Variants in AGBL4 observed in about 807,000 individuals in gnomAD.
The protein encoded by AGBL4 is AGBL carboxypeptidase 4, also known as cytosolic carboxypeptidase 6.
AGBL4 carries 58 observed loss-of-function variants against 66.4 expected under a neutral mutation model. The observed-to-expected ratio is 0.87, with a 90% CI of 0.71 to 1.09. AGBL4 has a LOEUF of 1.09. Ranked by LOEUF, AGBL4 falls within the 50% of genes least tolerant of loss-of-function variation. AGBL4 has a pLI of 0.00. For missense variants in AGBL4, 579 were observed against 631.0 expected (o/e 0.92, Z 0.88); for synonymous variants, 234 against 222.9 (o/e 1.05, Z -0.44).
intron 3 of AGBL4, among the ~76,000 whole-genome samples, chr1:49,379,782 A>G (rs1644555374): frequency 6.6e-6 from 1 of 152,134 alleles, no homozygotes. Flanking sequence ...TCAGTTTGCC[A>G]GTATTTTATT....
At chr1:48,606,869 T>C (rs147381838) in intron 9 of AGBL4, among the ~76,000 whole-genome samples, 195 of 152,320 alleles carry the variant, frequency 1.3e-3, no homozygotes, top group African/African-American at 3.5e-3. Flanking sequence ...AAACTATATG[T>C]GCACTGCTGT....
At position 48,758,542 on chromosome 1, in the gene AGBL4, G is replaced by A. The variant is rs575506222; in HGVS notation, c.635-95301C>T. Reference sequence around the variant, plus strand: ...AACTAATACATGTTGTTAGGATCATGTCTACTTCTTTTTACTATCCTGAAA... The same window carrying A: ...AACTAATACATGTTGTTAGGATCATATCTACTTCTTTTTACTATCCTGAAA... On this transcript the variant is annotated intron_variant, in intron 6 of 13. Transcript: ENST00000371839. Among the ~76,000 whole-genome samples the A allele has an allele frequency of 2.2e-4, 34 of 152,352 alleles. 1 individual carries two copies. In the South Asian group the frequency reaches 6.4e-3, roughly 29 times the overall value.
chr1:48,796,181 A>G (rs138414263), intron 6 of AGBL4, among the ~76,000 whole-genome samples: 1 of 152,352 alleles, frequency 6.6e-6, no homozygotes, highest in East Asian at 1.9e-4. Flanking sequence ...CAAATTAAAC[A>G]TTAATTCTCA....
intron 3 of AGBL4, among the ~76,000 whole-genome samples, chr1:49,319,103 A>G (rs1270194924): frequency 6.6e-6 from 1 of 152,220 alleles, no homozygotes; most frequent in African/African-American, 2.4e-5. Context: ...TGTATGTACA[A>G]TGCTGAACAC....
intron 3 of AGBL4, among the ~76,000 whole-genome samples, chr1:49,569,950 T>C (rs2148868638): frequency 6.6e-6 from 1 of 152,300 alleles, no homozygotes; most frequent in East Asian, 1.9e-4. Flanking sequence ...TTCCACTGTG[T>C]ATATATACCA....
chr1:49,003,190 G>T (rs1027813096), intron 5 of AGBL4, among the ~76,000 whole-genome samples: 1 of 152,156 alleles, frequency 6.6e-6, no homozygotes, highest in African/African-American at 2.4e-5. Flanking sequence ...CTGACGTCAA[G>T]GGTTCACGAC....
At position 48,795,923 on chromosome 1, in the gene AGBL4, G is replaced by A. The variant is rs187232316; in HGVS notation, c.634+71268C>T. Among the ~76,000 whole-genome samples the A allele has an allele frequency of 3.1e-3, 478 of 152,294 alleles. 2 individuals are homozygous for A. Among genetic ancestry groups the A allele is most frequent in the African/African-American group, 0.01 (426 of 41,548 alleles). Reference sequence around the variant, plus strand: ...CCCGCCTCAGCCTCCCAAAGTGCTGGGATTACAGGCGTGAGCCACTGTGCC... The same window carrying A: ...CCCGCCTCAGCCTCCCAAAGTGCTGAGATTACAGGCGTGAGCCACTGTGCC... On this transcript the variant is annotated intron_variant, in intron 6 of 13. Transcript: ENST00000371839.
intron 6 of AGBL4, among the ~76,000 whole-genome samples, chr1:48,784,414 C>T (rs533235759): frequency 6.6e-6 from 1 of 152,258 alleles, no homozygotes; most frequent in African/African-American, 2.4e-5. Context: ...CAAATGCTGT[C>T]CCCTTCAATA....
At chr1:49,406,355 A>G (rs905397431) in intron 3 of AGBL4, among the ~76,000 whole-genome samples, 1 of 152,206 alleles carries the variant, frequency 6.6e-6, no homozygotes, top group African/African-American at 2.4e-5. Context: ...ATTTGGTATG[A>G]TATTTATTTC....
intron 3 of AGBL4, among the ~76,000 whole-genome samples, chr1:49,369,830 A>G (rs1486279565): frequency 6.6e-6 from 1 of 152,096 alleles, no homozygotes; most frequent in Non-Finnish European, 1.5e-5. Flanking sequence ...GAGAGTGCTT[A>G]TGATGAAATT....
intron 4 of AGBL4, among the ~76,000 whole-genome samples, chr1:49,198,290 C>G (rs72684820): frequency 0.02 from 3,018 of 152,190 alleles, 53 homozygotes; most frequent in Non-Finnish European, 0.033. Flanking sequence ...CAAATTCCTA[C>G]ATTATTTCTT....
chr1:48,879,521 A>C (rs999364052), intron 5 of AGBL4, among the ~76,000 whole-genome samples: 1 of 150,850 alleles, frequency 6.6e-6, no homozygotes, highest in Non-Finnish European at 1.5e-5. Context: ...AACTGCTTTT[A>C]TTTTCCCTTG....
chr1:48,876,072 T>G (rs1441096197), intron 5 of AGBL4, among the ~76,000 whole-genome samples: 3 of 152,180 alleles, frequency 2.0e-5, no homozygotes, highest in Non-Finnish European at 4.4e-5. Context: ...AACTCAAGTG[T>G]GATCTTTTGT....
chr1:49,965,335 C>A (rs2148351070), intron 1 of AGBL4, among the ~76,000 whole-genome samples: 1 of 152,248 alleles, frequency 6.6e-6, no homozygotes, highest in South Asian at 2.1e-4. Flanking sequence ...TTAAAAATGG[C>A]CACTCAAGCC....
At chr1:48,683,370 A>G (rs1261018349) in intron 6 of AGBL4, among the ~76,000 whole-genome samples, 1 of 152,204 alleles carries the variant, frequency 6.6e-6, no homozygotes, top group African/African-American at 2.4e-5. Context: ...ATCCTAACAT[A>G]GAAGACCTTG....
At position 48,558,375 on chromosome 1, in the gene AGBL4, G is replaced by A. The variant is rs367682205; in HGVS notation, c.1268-18637C>T. ...CTTGTTTTATTTTCCTGCTCTTAAT[G>A]TATTCCCCTCTCACACACATCATTT... On this transcript the variant is annotated intron_variant, in intron 11 of 13. Transcript: ENST00000371839. Among the ~76,000 whole-genome samples, 144 of 152,258 alleles carry A rather than the reference G, an allele frequency of 9.5e-4. 1 individual carries two copies. Among genetic ancestry groups the A allele is most frequent in the African/African-American group, 3.2e-3 (135 of 41,558 alleles).
At chr1:48,592,136 G>C (rs1644927839) in intron 9 of AGBL4, among the ~76,000 whole-genome samples, 1 of 152,178 alleles carries the variant, frequency 6.6e-6, no homozygotes, top group Non-Finnish European at 1.5e-5. Context: ...CGCATGGGGA[G>C]GGGACTTGAC....
At chr1:48,824,997 G>T (rs893539259) in intron 6 of AGBL4, among the ~76,000 whole-genome samples, 1 of 152,212 alleles carries the variant, frequency 6.6e-6, no homozygotes, top group Non-Finnish European at 1.5e-5. Context: ...GCACATTGCT[G>T]TAAGGATTTA....
At chr1:49,652,733 C>T (rs141906390) in intron 3 of AGBL4, among the ~76,000 whole-genome samples, 37 of 152,248 alleles carry the variant, frequency 2.4e-4, no homozygotes, top group African/African-American at 8.4e-4. Context: ...GGCCAGACAG[C>T]GGGACCCAGA....
Sources: gnomAD v4.1 joint callset for allele counts (sites outside exome capture counted in the v4.1 genomes callset) on GRCh38, gnomAD v4.1.1 for gene constraint, MANE v1.5 for transcripts, NCBI Gene and HGNC (gene_info 2026-07-23, HGNC 2026-07-21) for gene names.